Variants in EML1 observed in about 807,000 individuals in gnomAD.
EML1 encodes echinoderm microtubule-associated protein-like 1.
Under a neutral mutation model 110.4 loss-of-function variants are expected in EML1, and 27 were observed. That is an observed-to-expected ratio of 0.24 (90% CI 0.18 to 0.34). EML1 has a LOEUF of 0.34. Ranked by LOEUF, EML1 falls within the 10% of genes least tolerant of loss-of-function variation. The probability of loss-of-function intolerance (pLI) is 1.00; values close to 1 mark genes in which losing one functional copy is unlikely to be tolerated. For missense variants in EML1, 741 were observed against 1,030.9 expected (o/e 0.72, Z 3.85); for synonymous variants, 344 against 385.8 (o/e 0.89, Z 1.27).
chr14:99,747,390 G>A (rs935545612), intron 1 of EML1, among the ~76,000 whole-genome samples: 2 of 152,110 alleles, frequency 1.3e-5, no homozygotes, highest in East Asian at 3.9e-4. Context: ...GATGTACAGG[G>A]CACATTTGGG....
At chr14:99,926,055 C>A (rs1462354066) in intron 17 of EML1, among the ~76,000 whole-genome samples, 1 of 152,168 alleles carries the variant, frequency 6.6e-6, no homozygotes, top group Non-Finnish European at 1.5e-5. Flanking sequence ...GAGGGCAGCC[C>A]AGGGAAGAAC....
At chr14:99,855,630 A>T (rs1420155792) in intron 2 of EML1, among the ~76,000 whole-genome samples, 1 of 152,174 alleles carries the variant, frequency 6.6e-6, no homozygotes. Context: ...TCCCATTTGA[A>T]ATTTTGCTTG....
intron 1 of EML1, among the ~76,000 whole-genome samples, chr14:99,739,455 G>A (rs1168986366): frequency 6.6e-6 from 1 of 152,222 alleles, no homozygotes; most frequent in Non-Finnish European, 1.5e-5. Context: ...GAGCATGCAC[G>A]TGTGTGCGCA....
intron 1 of EML1, chr14:99,809,607 A>G: frequency 2.2e-6 from 1 of 455,994 alleles, no homozygotes. Flanking sequence ...TTGAGATTTA[A>G]CAGCCCTTGA....
At position 99,802,432 on chromosome 14, in the gene EML1, G is replaced by A. The variant is rs2057898097; in HGVS notation, c.67+8889G>A. 1.3e-5 allele frequency among the ~76,000 whole-genome samples: 2 copies of A among 152,052 alleles called. 1 individual carries two copies. The highest frequency in any genetic ancestry group is 4.2e-4 in the South Asian group (2 of 4,818). On this transcript the variant is annotated intron_variant, in intron 1 of 21. Transcript: ENST00000262233. The stretch of plus-strand genomic sequence containing the variant: ...GAAGGGCAGTCCAGGGTGGAGGTAG[G>A]AGGGTAGAGGTGGGGGGCCATGGCA...
At chr14:99,742,483 T>C (rs2057054079) in intron 1 of EML1, among the ~76,000 whole-genome samples, 1 of 151,936 alleles carries the variant, frequency 6.6e-6, no homozygotes, top group Non-Finnish European at 1.5e-5. Flanking sequence ...GAGATGGTCC[T>C]GGGGAGAAAG....
Position 99,926,207 on chromosome 14 carries a change from A to T in EML1, c.1909+5330A>T, listed in dbSNP as rs767677291. Among the ~76,000 whole-genome samples the T allele has an allele frequency of 6.1e-4, 92 of 152,048 alleles. 2 individuals carry two copies. The highest frequency in any genetic ancestry group is 1.6e-3 in the Admixed American group (24 of 15,280). ...TTTTATAGAATTTCATAATTGCTTT[A>T]TGGGGAGAGGATTGGCCAACCTTCT... On this transcript the variant is annotated intron_variant, in intron 17 of 21. Transcript: ENST00000262233.
At chr14:99,900,836 C>G in intron 8 of EML1, 93 bp from the exon 9 acceptor site, 1 of 1,061,988 alleles carries the variant, frequency 9.4e-7, no homozygotes, top group Non-Finnish European at 1.4e-6. Context: ...TGACAAAGTC[C>G]GAGTTACTGC....
rs187292453 is a variant in EML1, at chr14:99,812,428, A to G, written c.67+18885A>G. Among the ~76,000 whole-genome samples, 187 of 152,064 alleles carry G rather than the reference A, an allele frequency of 1.2e-3. 4 individuals are homozygous for G. Among genetic ancestry groups the G allele is most frequent in the Admixed American group, 1.8e-3 (28 of 15,268 alleles). Reference sequence around the variant, plus strand: ...AAAAGGTAGATGCCAGGCAGCATCCAGGTGACGATGCTTTTTTGAGGCTGA... The same window carrying G: ...AAAAGGTAGATGCCAGGCAGCATCCGGGTGACGATGCTTTTTTGAGGCTGA... On this transcript the variant is annotated intron_variant, in intron 1 of 21. Transcript: ENST00000262233.
intron 17 of EML1, among the ~76,000 whole-genome samples, chr14:99,933,242 C>G (rs1429576573): frequency 6.6e-6 from 1 of 152,208 alleles, no homozygotes; most frequent in Non-Finnish European, 1.5e-5. Context: ...GTGGCGCAAT[C>G]TCGGCTCACT....
At chr14:99,802,066 C>T (rs1181116625) in intron 1 of EML1, among the ~76,000 whole-genome samples, 1 of 152,102 alleles carries the variant, frequency 6.6e-6, no homozygotes, top group Non-Finnish European at 1.5e-5. Flanking sequence ...TGTATCAGGG[C>T]GGGCTTCCTA....
chr14:99,793,465 G>A lies in EML1; in HGVS notation c.-12G>A, dbSNP rs1188551485. ...CCGGGCCGGGGAGCGGGCGCGGCCC[G>A]GCGGCCTCAGCATGGAGGACGGCTT... is the stretch of plus-strand genomic sequence containing the variant. On this transcript the variant is annotated 5_prime_UTR_variant, in exon 1 of 22. Coordinates refer to ENST00000262233, the MANE Select transcript of EML1 (RefSeq NM_004434.3). 3.2e-5 allele frequency: 33 copies of A among 1,046,684 alleles called. No homozygotes were observed. The highest frequency in any genetic ancestry group is 3.6e-5 in the Non-Finnish European group (31 of 868,084). 64.8% of individuals were successfully genotyped at this position (1,046,684 alleles called of 1,614,324 possible). A position where few individuals can be genotyped will look rare whatever the true frequency, so the allele number is the denominator to read the frequency against.
chr14:99,931,684 G>A (rs994600829), intron 17 of EML1, among the ~76,000 whole-genome samples: 1 of 152,202 alleles, frequency 6.6e-6, no homozygotes, highest in African/African-American at 2.4e-5. Context: ...AAAGGGCTCT[G>A]TGGGACCCAA....
At chr14:99,807,849 G>C (rs554965941) in intron 1 of EML1, among the ~76,000 whole-genome samples, 7 of 152,122 alleles carry the variant, frequency 4.6e-5, no homozygotes, top group Non-Finnish European at 8.8e-5. Context: ...GGTTACAGCT[G>C]GGTTGACTTA....
At position 99,810,508 on chromosome 14, in the gene EML1, C is replaced by T. The variant is rs1329203995; in HGVS notation, c.67+16965C>T. Among the ~76,000 whole-genome samples the T allele has an allele frequency of 2.6e-5, 4 of 152,314 alleles. No homozygotes were observed. In the East Asian group the frequency reaches 7.7e-4, roughly 29 times the overall value. ...GAGGAAACTGAGGGCTAAATAGCTT[C>T]TCCACATCTGCAGATTCCAATCCTC... On this transcript the variant is annotated intron_variant, in intron 1 of 21. Coordinates refer to ENST00000262233, the MANE Select transcript of EML1 (RefSeq NM_004434.3).
rs1013092120 is a variant in EML1 at position 99,787,615 on chromosome 14, T to C, written c.-27+13602T>C. On this transcript the variant is annotated intron_variant, in intron 1 of 22. Coordinates refer to the EML1 transcript ENST00000327921. Reference sequence around the variant, plus strand: ...TTCTATACTAACTGTATTGATCTGCTCGGACTCCCTTAAGAATGTGCCACC... The same window carrying C: ...TTCTATACTAACTGTATTGATCTGCCCGGACTCCCTTAAGAATGTGCCACC... Among the ~76,000 whole-genome samples the C allele has an allele frequency of 2.0e-5, 3 of 152,134 alleles. 1 individual carries two copies. The highest frequency in any genetic ancestry group is 6.4e-3 in the Middle Eastern group (2 of 314).
intron 1 of EML1, among the ~76,000 whole-genome samples, chr14:99,844,763 ATGG>A (rs2058682597): frequency 6.6e-6 from 1 of 152,200 alleles, no homozygotes; most frequent in Non-Finnish European, 1.5e-5. Context: ...TGTCATATAA[ATGG>A]AATAGTACAG....
Position 99,783,682 on chromosome 14 carries a change from AC to A in EML1, c.-27+9671del, listed in dbSNP as rs113448654. Among the ~76,000 whole-genome samples, 1,038 of 152,048 alleles carry A rather than the reference AC, an allele frequency of 6.8e-3. 13 individuals carry two copies. Among genetic ancestry groups the A allele is most frequent in the African/African-American group, 0.024 (996 of 41,476 alleles). ...GCATTTTTAGTAAAGAAGGGGTTTC[AC>A]CACATTGGCCAGGATGGTCTCGATC... On this transcript the variant is annotated intron_variant, in intron 1 of 22. Coordinates refer to the EML1 transcript ENST00000327921.
At chr14:99,910,713 T>C (rs988406725) in intron 12 of EML1, among the ~76,000 whole-genome samples, 3 of 152,172 alleles carry the variant, frequency 2.0e-5, no homozygotes. Flanking sequence ...TGGCAGACAT[T>C]TATTGAAAGC....
Sources: gnomAD v4.1 joint callset for allele counts (sites outside exome capture counted in the v4.1 genomes callset) on GRCh38, gnomAD v4.1.1 for gene constraint, MANE v1.5 for transcripts, NCBI Gene and HGNC (gene_info 2026-07-23, HGNC 2026-07-21) for gene names.